The following NFKBID variants were observed in gnomAD, a reference collection of about 807,000 sequenced individuals.
The protein encoded by NFKBID is NF-kappa-B inhibitor delta.
In NFKBID, 26 loss-of-function variants were observed where a neutral mutation model predicts 53.4. The ratio of observed to expected loss-of-function variants is 0.49; its 90% CI spans 0.36 to 0.68. NFKBID has a LOEUF of 0.68. Among genes scored for constraint, NFKBID ranks in the 30% least tolerant of loss-of-function variants. The pLI is 0.00. For synonymous variants in NFKBID, 262 were observed against 259.8 expected, an observed-to-expected ratio of 1.01 and a Z score of -0.08; for missense variants, 493 against 614.1, an observed-to-expected ratio of 0.80 and a Z score of 2.08.
chr19:35,890,093 C>T (rs549020393), intron 10 of NFKBID, 39 bp from the exon 11 acceptor site: 1 of 1,560,630 alleles, frequency 6.4e-7, no homozygotes, highest in African/African-American at 1.3e-5. Context: ...GATCTGGGCT[C>T]AGCTGGCCCA....
At chr19:35,894,624 C>T (rs896483504) in intron 9 of NFKBID, among the ~76,000 whole-genome samples, 1 of 151,180 alleles carries the variant, frequency 6.6e-6, no homozygotes, top group African/African-American at 2.4e-5. Context: ...CTTAAGTGCA[C>T]AAGGTCAAGG....
chr19:35,895,958 G>C, intron 9 of NFKBID, 22 bp downstream of exon 9: 1 of 1,604,350 alleles, frequency 6.2e-7, no homozygotes, highest in Non-Finnish European at 8.5e-7. Context: ...CCCAGGGTCT[G>C]ACCGCCCACA....
In NFKBID at chr19:35,894,317, G is replaced by A. The variant is rs113774833; in HGVS notation, c.1032+1663C>T. On this transcript the variant is annotated intron_variant, in intron 9 of 11. Transcript: ENST00000641389. ...ATTCTCTCAGCCAGCCTATGAAGGA[G>A]CTACTGTCACAGGAAAGGAACAGAA... Among the ~76,000 whole-genome samples, 341 of 152,244 alleles carry A rather than the reference G, an allele frequency of 2.2e-3. 5 individuals are homozygous for A. Among genetic ancestry groups the A allele is most frequent in the Non-Finnish European group, 4.1e-4 (28 of 68,026 alleles).
At chr19:35,890,002 G>T in exon 11 of NFKBID, 2 of 1,609,174 alleles carry the variant, frequency 1.2e-6, no homozygotes, top group South Asian at 2.2e-5. Context: ...GGCCTCCTGG[G>T]CCGGCCCAGG....
Position 35,898,546 on chromosome 19 carries a change from A to C in NFKBID, c.166-14T>G. 1 of 1,522,236 alleles carries C rather than the reference A, an allele frequency of 6.6e-7. No homozygotes were observed. The highest frequency in any genetic ancestry group is 8.8e-7 in the Non-Finnish European group (1 of 1,141,684). 94.3% of individuals were successfully genotyped at this position (1,522,236 alleles called of 1,614,324 possible). ...GAGAAATTGTCCCTGTAGAGACAAAAGCAAAAAGGAACCCAGGTGACTTTA... is the reference window on the plus strand; with the variant it reads ...GAGAAATTGTCCCTGTAGAGACAAACGCAAAAAGGAACCCAGGTGACTTTA... On this transcript the variant is annotated splice_polypyrimidine_tract_variant and intron_variant, in intron 2 of 11. Coordinates refer to ENST00000641389, the Ensembl canonical transcript of NFKBID.
At chr19:35,891,348 T>A (rs1974747708) in intron 9 of NFKBID, among the ~76,000 whole-genome samples, 1 of 152,160 alleles carries the variant, frequency 6.6e-6, no homozygotes, top group Non-Finnish European at 1.5e-5. Flanking sequence ...AACCACCTAG[T>A]TTGCTCGTCC....
At chr19:35,894,661 G>A (rs1436092437) in intron 9 of NFKBID, among the ~76,000 whole-genome samples, 1 of 152,058 alleles carries the variant, frequency 6.6e-6, no homozygotes, top group African/African-American at 2.4e-5. Flanking sequence ...TCATGCCACT[G>A]CACTCCAGCC....
chr19:35,890,917 A>G (rs1974722777), intron 9 of NFKBID, among the ~76,000 whole-genome samples: 1 of 152,144 alleles, frequency 6.6e-6, no homozygotes, highest in South Asian at 2.1e-4. Flanking sequence ...AGCCCCACCA[A>G]GAGTGCCTTA....
chr19:35,895,100 G>A (rs969072778), intron 9 of NFKBID, among the ~76,000 whole-genome samples: 2 of 152,082 alleles, frequency 1.3e-5, no homozygotes, highest in East Asian at 1.9e-4. Context: ...GTTTCAATAA[G>A]CTAATCTATG....
chr19:35,897,812 G>C, exon 4 of NFKBID: 1 of 1,587,040 alleles, frequency 6.3e-7, no homozygotes, highest in Non-Finnish European at 8.5e-7. Context: ...AGGCTGCTAG[G>C]TCCAGAACCC....
At chr19:35,898,803 G>A (rs1256899617) in exon 2 of NFKBID, 5 of 1,536,064 alleles carry the variant, frequency 3.3e-6, no homozygotes, top group Middle Eastern at 1.7e-4. Context: ...TTGGGCAGTG[G>A]CTGCGCTCAC....
At chr19:35,891,728 G>A (rs1273109255) in intron 9 of NFKBID, among the ~76,000 whole-genome samples, 2 of 152,006 alleles carry the variant, frequency 1.3e-5, no homozygotes, top group Admixed American at 6.5e-5. Flanking sequence ...TTAGCCAGGC[G>A]TGGTGGCACA....
At chr19:35,895,614 C>T (rs1477751881) in intron 9 of NFKBID, among the ~76,000 whole-genome samples, 2 of 151,986 alleles carry the variant, frequency 1.3e-5, no homozygotes, top group East Asian at 3.9e-4. Context: ...CCAGCAAGAC[C>T]AATGTGGAGA....
Position 35,896,516 on chromosome 19 carries a change from G to A in NFKBID, c.707C>T (p.Ala236Val). 6.2e-7 allele frequency: 1 copy of A among 1,614,008 alleles called. No homozygotes were observed. The highest frequency in any genetic ancestry group is 8.5e-7 in the Non-Finnish European group (1 of 1,179,946). ...CTCCACAATCAGGGGCTGGTTGGCA[G>A]CAGCCGCCACCAGGAGAGGGGTCTG... is the stretch of plus-strand genomic sequence containing the variant. Residue 236 changes from alanine to valine, a missense_variant, in exon 7 of 12, where the codon GCT becomes GTT. Ala to Val is a moderately conservative substitution (Grantham distance 64, BLOSUM62 0). Coordinates refer to ENST00000641389, the Ensembl canonical transcript of NFKBID. This position sits in a 1 kb window ranked among gnomAD's most constrained non-coding sequence, Gnocchi z 5.7.
chr19:35,889,642 G>A (rs1014846631), intron 11 of NFKBID, among the ~76,000 whole-genome samples: 2 of 152,120 alleles, frequency 1.3e-5, no homozygotes, highest in African/African-American at 4.8e-5. Context: ...CAAGATTCAG[G>A]GTTGGAAGTA....
At chr19:35,900,513 T>G (rs1286117964) in exon 1 of NFKBID, 1 of 1,231,626 alleles carries the variant, frequency 8.1e-7, no homozygotes, top group African/African-American at 1.6e-5. Flanking sequence ...CCTCGCTGTT[T>G]CCCCCGCGGA....
exon 1 of NFKBID, chr19:35,900,480 C>T: frequency 8.1e-7 from 1 of 1,231,926 alleles, no homozygotes; most frequent in Admixed American, 4.2e-5. Flanking sequence ...GCCCCCAGGG[C>T]CGCGGCCTCG....
At chr19:35,901,478 G>C (rs1975563752), upstream of NFKBID, 1 of 152,240 alleles carries the variant, frequency 6.6e-6, no homozygotes, top group Admixed American at 6.5e-5. Flanking sequence ...CCTGGAGCTG[G>C]CATTCCAGTG....
intron 9 of NFKBID, among the ~76,000 whole-genome samples, chr19:35,893,039 C>T (rs948211291): frequency 1.1e-4 from 16 of 152,130 alleles, no homozygotes; most frequent in African/African-American, 3.1e-4. Context: ...TGAGGTGGCT[C>T]ATGCCTGTAG....
Sources: allele counts gnomAD v4.1 joint callset (sites outside exome capture counted in the v4.1 genomes callset), GRCh38; gene constraint gnomAD v4.1.1; non-coding constraint Gnocchi (gnomAD v3.1); transcripts MANE v1.5; gene names NCBI Gene and HGNC (gene_info 2026-07-23, HGNC 2026-07-21).